MTR: variants seen among roughly 807,000 people sequenced by gnomAD.
MTR encodes methionine synthase.
Under a neutral mutation model 154.8 loss-of-function variants are expected in MTR, and 84 were observed. That is an observed-to-expected ratio of 0.54 (90% CI 0.45 to 0.65). MTR has a LOEUF of 0.65. Among genes scored for constraint, MTR ranks in the 30% least tolerant of loss-of-function variants. The probability of loss-of-function intolerance (pLI) is 0.00; values close to 1 mark genes in which losing one functional copy is unlikely to be tolerated. For missense variants in MTR, 1,275 were observed against 1,570.2 expected (o/e 0.81, Z 3.18); for synonymous variants, 554 against 553.9 (o/e 1.00, Z 0.00).
chr1:236,798,376 T>A (rs1274580338), intron 1 of MTR, among the ~76,000 whole-genome samples: 5 of 152,254 alleles, frequency 3.3e-5, no homozygotes, highest in Admixed American at 2.6e-4. Context: ...CTAGCTGGTC[T>A]ACCCCCCTCC....
chr1:236,840,479 CAG>C (rs772802262), intron 15 of MTR, among the ~76,000 whole-genome samples: 2 of 152,138 alleles, frequency 1.3e-5, no homozygotes, highest in Non-Finnish European at 2.9e-5. Context: ...AAGAGGCTGT[CAG>C]GGAAGAGTTG....
intron 6 of MTR, among the ~76,000 whole-genome samples, chr1:236,814,723 T>G (rs1294621459): frequency 1.3e-5 from 2 of 152,236 alleles, no homozygotes; most frequent in African/African-American, 4.8e-5. Context: ...AGAATATGTC[T>G]GAGTAACTGG....
intron 3 of MTR, among the ~76,000 whole-genome samples, chr1:236,806,448 A>C (rs1660991130): frequency 6.6e-6 from 1 of 152,222 alleles, no homozygotes; most frequent in Non-Finnish European, 1.5e-5. Flanking sequence ...GGCAAGTAAT[A>C]ATCAAATATA....
At chr1:236,890,938 C>T (rs1348001360) in intron 28 of MTR, among the ~76,000 whole-genome samples, 195 bp from the exon 29 acceptor site, 3 of 152,144 alleles carry the variant, frequency 2.0e-5, no homozygotes, top group Non-Finnish European at 2.9e-5. Flanking sequence ...GGGAGCTGCA[C>T]TTAGCAGGAG....
intron 25 of MTR, among the ~76,000 whole-genome samples, chr1:236,882,501 C>T (rs143311207): frequency 3.1e-5 from 4 of 130,416 alleles, no homozygotes; most frequent in African/African-American, 1.0e-4. Flanking sequence ...AGCAATTCTC[C>T]TGCCTCAGCC....
chr1:236,820,187 T>C, intron 8 of MTR: 1 of 761,976 alleles, frequency 1.3e-6, no homozygotes, highest in Non-Finnish European at 2.4e-6. Context: ...GTTCTGCACA[T>C]GCGTGGCACC....
chr1:236,831,431 C>G (rs932302551), intron 12 of MTR, among the ~76,000 whole-genome samples: 8 of 152,210 alleles, frequency 5.3e-5, no homozygotes, highest in Admixed American at 4.6e-4. Context: ...TGACTCCTGT[C>G]TCTCAGGTCT....
At chr1:236,896,787 T>G (rs1367870408) in intron 31 of MTR, among the ~76,000 whole-genome samples, 2 of 152,018 alleles carry the variant, frequency 1.3e-5, no homozygotes, top group Non-Finnish European at 2.9e-5. Flanking sequence ...TCCCCCTGGG[T>G]TAGAGGAGAT....
Position 236,824,342 on chromosome 1 carries a change from T to G in MTR, c.865+123T>G, listed in dbSNP as rs948742154. On this transcript the variant is annotated intron_variant, in intron 9 of 32. Transcript: ENST00000366577. ...CGGTGTTGGTATAGTTGACACTTAA[T>G]AAATGAAGAGTGTCTGGGTGCAGTG... 3 of 865,980 alleles carry G rather than the reference T, an allele frequency of 3.5e-6. No individual in the cohort carries two copies. The East Asian group carries it at 7.5e-5, about 22-fold the overall frequency. 53.6% of individuals were successfully genotyped at this position (865,980 alleles called of 1,614,324 possible).
Position 236,835,670 on chromosome 1 carries a change from G to A in MTR, c.1312G>A (p.Glu438Lys). 2 of 1,612,068 alleles carry A rather than the reference G, an allele frequency of 1.2e-6. No homozygotes were observed. Among genetic ancestry groups the A allele is most frequent in the Non-Finnish European group, 1.7e-6 (2 of 1,179,686 alleles). The change falls in exon 14 of 33, where the codon GAG (glutamate) becomes AAG (lysine). Residue 438 changes from glutamate (E) to lysine (K), a missense_variant. Coordinates refer to ENST00000366577, the MANE Select transcript of MTR (RefSeq NM_000254.3). ...MTRFCNLIAS[E>K]PDIAKVPLCI... The stretch of plus-strand genomic sequence containing the variant: ...CAGATTTTGCAACTTAATTGCTTCC[G>A]AGCCAGACATCGCAAAGGTTATACA...
At chr1:236,860,072 C>CG in intron 19 of MTR, 150 bp downstream of exon 19, 1 of 2,336 alleles carries the variant, frequency 4.3e-4, no homozygotes, top group South Asian at 0.015. Flanking sequence ...CCCAGCTGCC[C>CG]CCCCCCCCCC....
Position 236,862,220 on chromosome 1 carries a change from A to G in MTR, c.2197-16A>G, listed in dbSNP as rs746605167. 3.1e-6 allele frequency: 5 copies of G among 1,602,228 alleles called. No homozygotes were observed. The highest frequency in any genetic ancestry group is 3.3e-5 in the Admixed American group (2 of 59,990). On this transcript the variant is annotated splice_polypyrimidine_tract_variant and intron_variant, in intron 20 of 32. Coordinates refer to ENST00000366577, the MANE Select transcript of MTR (RefSeq NM_000254.3). ...GTGGTTTGGGAAAGATACCTGATCT[A>G]TGCTTTTTTTCTCAGGTTATAAAGT...
chr1:236,877,885 G>T (rs984158343), intron 24 of MTR, among the ~76,000 whole-genome samples: 1 of 152,142 alleles, frequency 6.6e-6, no homozygotes, highest in Admixed American at 6.5e-5. Flanking sequence ...CTTTTCAATG[G>T]TATCCCTTGT....
intron 18 of MTR, 118 bp downstream of exon 18, chr1:236,853,206 C>T: frequency 2.4e-6 from 3 of 1,254,532 alleles, no homozygotes; most frequent in Non-Finnish European, 3.5e-6. Flanking sequence ...ATATTTGGAT[C>T]ACTGAAGATT....
rs754098487 is a variant in MTR, at chr1:236,829,220, C to G, written c.1027C>G (p.Pro343Ala). The G allele has an allele frequency of 2.5e-6, 4 of 1,613,952 alleles. No individual in the cohort carries two copies. The Admixed American group carries it at 6.7e-5, about 27-fold the overall frequency. ...TGCTGAAGCTGTGAAAAATTGTAAG[C>G]CTAGAGTTCCACCTGCCACTGCTTT... ...EIAEAVKNCK[P>A]RVPPATAFEG... The change falls in exon 12 of 33, where the codon CCT (proline) becomes GCT (alanine). Residue 343 changes from proline to alanine, a missense_variant. Transcript: ENST00000366577.
At chr1:236,870,511 A>G (rs996834047) in intron 22 of MTR, among the ~76,000 whole-genome samples, 2 of 152,150 alleles carry the variant, frequency 1.3e-5, no homozygotes, top group African/African-American at 4.8e-5. Flanking sequence ...GTAAGTCTGG[A>G]CTGGAGGTTC....
rs536205462 is a variant in MTR at position 236,795,742 on chromosome 1, C to G, written c.34+5C>G. 6.2e-6 allele frequency: 10 copies of G among 1,614,174 alleles called. No individual in the cohort carries two copies. Among genetic ancestry groups the G allele is most frequent in the South Asian group, 1.1e-5 (1 of 91,090 alleles). On this transcript the variant is annotated splice_donor_5th_base_variant and intron_variant, in intron 1 of 32. Transcript: ENST00000366577. ...TCCAAGACCTGTCGCAACCCGGTAA[C>G]GCTGCGACCCCGTCTGCGTGGTTGG...
chr1:236,848,838 A>C (rs1184195697), intron 15 of MTR, among the ~76,000 whole-genome samples: 1 of 152,218 alleles, frequency 6.6e-6, no homozygotes, highest in Non-Finnish European at 1.5e-5. Flanking sequence ...AGTGATCAAA[A>C]GGCTAGATCT....
intron 8 of MTR, among the ~76,000 whole-genome samples, chr1:236,822,114 G>C (rs1046285783): frequency 1.3e-5 from 2 of 152,092 alleles, no homozygotes; most frequent in African/African-American, 4.8e-5. Flanking sequence ...TTTTCATTGG[G>C]ATTCTGTTGA....
Sources: allele counts gnomAD v4.1 joint callset (sites outside exome capture counted in the v4.1 genomes callset), GRCh38; gene constraint gnomAD v4.1.1; transcripts MANE v1.5; gene names NCBI Gene and HGNC (gene_info 2026-07-23, HGNC 2026-07-21).